Variants in ZNF862 observed in about 807,000 individuals in gnomAD.
ZNF862 encodes zinc finger protein 862.
Under a neutral mutation model 91.1 loss-of-function variants are expected in ZNF862, and 64 were observed. The observed-to-expected ratio is 0.70, with a 90% confidence interval of 0.57 to 0.87. The LOEUF (loss-of-function observed/expected upper bound fraction) is 0.87. Among genes scored for constraint, ZNF862 ranks in the 40% least tolerant of loss-of-function variants. The pLI is 0.00. For synonymous variants in ZNF862, 631 were observed against 618.1 expected (o/e 1.02, Z -0.31); for missense variants, 1,459 against 1,528.0 (o/e 0.95, Z 0.75).
chr7:149,854,461 A>G (rs1802185369), intron 5 of ZNF862, among the ~76,000 whole-genome samples: 1 of 152,220 alleles, frequency 6.6e-6, no homozygotes, highest in Admixed American at 6.5e-5. Context: ...ATAGTATGAT[A>G]TCAGGGTTGA....
intron 6 of ZNF862, chr7:149,859,886 T>C (rs1563124479): frequency 3.5e-6 from 1 of 282,396 alleles, no homozygotes; most frequent in Non-Finnish European, 6.7e-6. Flanking sequence ...GACAGCACTA[T>C]TGGTTTGTGA....
At chr7:149,847,689 T>C in intron 3 of ZNF862, 46 bp from the exon 4 acceptor site, 1 of 1,475,956 alleles carries the variant, frequency 6.8e-7, no homozygotes. Context: ...GCAGTGGCTC[T>C]AACTATAGGA....
rs1371362130 is a variant in ZNF862, at chr7:149,850,520, C to T, written c.1117+182C>T. ...GGGTAACTGTGCTTTATCACCTTCT[C>T]ATCCACCCACCTGTTCATCCATTCG... On this transcript the variant is annotated intron_variant, in intron 5 of 7. Coordinates refer to ENST00000223210, the MANE Select transcript of ZNF862 (RefSeq NM_001099220.3). The surrounding 1 kb of genome is among the most constrained non-coding windows in gnomAD (Gnocchi z 4.2). 5.0e-6 allele frequency: 3 copies of T among 602,432 alleles called. No homozygotes were observed. Among genetic ancestry groups the T allele is most frequent in the African/African-American group, 1.9e-5 (1 of 53,570 alleles). The allele number at this position is 602,432 out of a possible 1,614,324, so 37.3% of individuals were successfully genotyped here. A position where few individuals can be genotyped will look rare whatever the true frequency, so the allele number is the denominator to read the frequency against.
rs1346211584 is a variant in ZNF862, at chr7:149,841,509, TC to T, written c.24+2878del. The T allele has an allele frequency of 3.1e-6, 3 of 983,488 alleles. No individual in the cohort carries two copies. In the African/African-American group the frequency reaches 5.2e-5, roughly 17 times the overall value. 60.9% of individuals were successfully genotyped at this position (983,488 alleles called of 1,614,324 possible). On this transcript the variant is annotated intron_variant, in intron 1 of 7. Coordinates refer to ENST00000223210, the MANE Select transcript of ZNF862 (RefSeq NM_001099220.3). ...CGTATTTGTTGACTTGACTCTTACA[TC>T]CCCAGCTAGAACAGTGGAGCAGTTC...
Position 149,850,531 on chromosome 7 carries a change from C to T in ZNF862, c.1117+193C>T, listed in dbSNP as rs1802036745. ...CTTTATCACCTTCTCATCCACCCAC[C>T]TGTTCATCCATTCGTCCCCCACCAA... On this transcript the variant is annotated intron_variant, in intron 5 of 7. Coordinates refer to ENST00000223210, the MANE Select transcript of ZNF862 (RefSeq NM_001099220.3). This position sits in a 1 kb window ranked among gnomAD's most constrained non-coding sequence, Gnocchi z 4.2. 3.4e-6 allele frequency: 2 copies of T among 581,184 alleles called. No homozygotes were observed. The highest frequency in any genetic ancestry group is 6.0e-6 in the Non-Finnish European group (2 of 334,330). 36.0% of individuals were successfully genotyped at this position (581,184 alleles called of 1,614,324 possible). A position where few individuals can be genotyped will look rare whatever the true frequency, so the allele number is the denominator to read the frequency against.
rs533170566 is a variant in ZNF862, at chr7:149,848,075, G to A, written c.582G>A (p.Ala194=). ...PFKVETLKYH[A]KSKAHMFCVN... is the part of the protein sequence containing the mutation. ...AGGTGGAGACTCTCAAATACCACGC[G>A]AAGAGCAAGGCCCACATGTTCTGTG... The change falls in exon 4 of 8, where the codon GCG becomes GCA. Residue 194 remains alanine, a synonymous_variant. Transcript: ENST00000223210. The A allele has an allele frequency of 3.0e-5, 48 of 1,614,050 alleles. No individual in the cohort carries two copies. Among genetic ancestry groups the A allele is most frequent in the South Asian group, 2.6e-4 (24 of 91,090 alleles).
At chr7:149,839,984 T>C (rs528026715) in intron 1 of ZNF862, among the ~76,000 whole-genome samples, 1 of 152,302 alleles carries the variant, frequency 6.6e-6, no homozygotes, top group South Asian at 2.1e-4. Flanking sequence ...AGAGGCTTTC[T>C]TAGCCTTTAA....
In ZNF862 at chr7:149,861,220, A is replaced by G. The variant is rs1802477262; in HGVS notation, c.2060A>G (p.Lys687Arg). 4 of 1,612,196 alleles carry G rather than the reference A, an allele frequency of 2.5e-6. No homozygotes were observed. The highest frequency in any genetic ancestry group is 3.3e-5 in the Admixed American group (2 of 59,846). The change falls in exon 7 of 8, where the codon AAG (lysine) becomes AGG (arginine). Residue 687 changes from lysine to arginine, a missense_variant. Transcript: ENST00000223210. This position sits in a 1 kb window ranked among gnomAD's most constrained non-coding sequence, Gnocchi z 6.7. Reference sequence around the variant, plus strand: ...GATGAGCTGGACATCCCCTTCCGGAAGCCTGGCTGGGTGGTGGGGCTGGGG... The same window carrying G: ...GATGAGCTGGACATCCCCTTCCGGAGGCCTGGCTGGGTGGTGGGGCTGGGG... ...ALDELDIPFR[K>R]PGWVVGLGTD...
At chr7:149,840,334 G>A (rs57009176) in intron 1 of ZNF862, among the ~76,000 whole-genome samples, 49,734 of 151,750 alleles carry the variant, frequency 0.33, 9,901 homozygotes, top group African/African-American at 0.57. Flanking sequence ...TATTGTACAG[G>A]TGTACAATGT....
intron 1 of ZNF862, among the ~76,000 whole-genome samples, chr7:149,843,855 G>T (rs544445554): frequency 1.3e-5 from 2 of 152,350 alleles, no homozygotes; most frequent in African/African-American, 4.8e-5. Context: ...TGAGGATGCA[G>T]AGTGTACCTT....
At position 149,850,489 on chromosome 7, in the gene ZNF862, T is replaced by A; in HGVS notation, c.1117+151T>A. The A allele has an allele frequency of 1.3e-6, 1 of 745,292 alleles. No homozygotes were observed. 46.2% of individuals were successfully genotyped at this position (745,292 alleles called of 1,614,324 possible). On this transcript the variant is annotated intron_variant, in intron 5 of 7. Coordinates refer to ENST00000223210, the MANE Select transcript of ZNF862 (RefSeq NM_001099220.3). This position sits in a 1 kb window ranked among gnomAD's most constrained non-coding sequence, Gnocchi z 4.2. Reference sequence around the variant, plus strand: ...TGTCTTTTGCACCTCATAACTCCCCTGCTTGGGGTAACTGTGCTTTATCAC... The same window carrying A: ...TGTCTTTTGCACCTCATAACTCCCCAGCTTGGGGTAACTGTGCTTTATCAC...
Position 149,848,420 on chromosome 7 carries a change from A to G in ZNF862, c.927A>G (p.Glu309=). The stretch of plus-strand genomic sequence containing the variant: ...ATATTTTATATAATGATGCAGTAGA[A>G]TCCTGCATTCAGGTAATACGTTTAT... ...DINILYNDAV[E]SCIQDPSAEG... Residue 309 remains glutamate, a synonymous_variant, in exon 4 of 8, where the codon GAA becomes GAG. Coordinates refer to ENST00000223210, the MANE Select transcript of ZNF862 (RefSeq NM_001099220.3). The G allele has an allele frequency of 6.5e-7, 1 of 1,542,158 alleles. No homozygotes were observed. Among genetic ancestry groups the G allele is most frequent in the South Asian group, 1.2e-5 (1 of 80,238 alleles).
chr7:149,860,681 C>G lies in ZNF862; in HGVS notation c.1521C>G (p.Tyr507Ter), dbSNP rs747425987. 2.0e-5 allele frequency: 33 copies of G among 1,614,018 alleles called. No individual in the cohort carries two copies. The highest frequency in any genetic ancestry group is 2.8e-5 in the Non-Finnish European group (33 of 1,179,906). ...HDKSSRLVRG[Y>*]TGPFKVETLK... is the part of the protein sequence containing the mutation. ...AATCATCTCGGTTAGTCAGAGGTTA[C>G]ACGGGGCCTTTTAAAGTGGAGACTT... Residue 507 changes from tyrosine (Y) to a stop codon, truncating the protein, a stop_gained, in exon 7 of 8, where the codon TAC becomes TAG. Transcript: ENST00000223210. LOFTEE classifies it high-confidence loss of function.
rs545972645 is a variant in ZNF862 at position 149,863,486 on chromosome 7, C to T, written c.3335-623C>T. On this transcript the variant is annotated intron_variant, in intron 7 of 7. Transcript: ENST00000223210. ...AGGAAGCAAGGTGGCCCTGAAGCCA[C>T]AGTAGGGCAGGTGGGGATAAGAAAA... Among the ~76,000 whole-genome samples, 8 of 152,242 alleles carry T rather than the reference C, an allele frequency of 5.3e-5. No homozygotes were observed. In the East Asian group the frequency reaches 1.5e-3, roughly 29 times the overall value.
chr7:149,848,551 A>G, intron 4 of ZNF862, 119 bp downstream of exon 4: 2 of 810,046 alleles, frequency 2.5e-6, no homozygotes, highest in Non-Finnish European at 3.7e-6. Flanking sequence ...CTAACATCAT[A>G]ATGTTGGCAT....
rs1802465436 is a variant in ZNF862, at chr7:149,861,070, A to C, written c.1910A>C (p.Gln637Pro). ...GACAGCTCCACCGACGCCTCCGAGC[A>C]GGCCTGCGTGGGGATTTACATCCGC... is the stretch of plus-strand genomic sequence containing the variant. ...LLDSSTDASE[Q>P]ACVGIYIRYF... Residue 637 changes from glutamine (Q) to proline (P), a missense_variant, in exon 7 of 8, where the codon CAG becomes CCG. Coordinates refer to ENST00000223210, the MANE Select transcript of ZNF862 (RefSeq NM_001099220.3). The surrounding 1 kb of genome is among the most constrained non-coding windows in gnomAD (Gnocchi z 6.7). The C allele has an allele frequency of 3.7e-6, 6 of 1,612,834 alleles. No individual in the cohort carries two copies. In the East Asian group the frequency reaches 1.3e-4, roughly 36 times the overall value.
intron 1 of ZNF862, among the ~76,000 whole-genome samples, chr7:149,840,563 C>G (rs1002393977): frequency 6.6e-6 from 1 of 152,084 alleles, no homozygotes; most frequent in Non-Finnish European, 1.5e-5. Context: ...CACTCACTCA[C>G]TCACTCACCC....
chr7:149,865,701 G>A lies in ZNF862; in HGVS notation c.*1417G>A, dbSNP rs943122763. On this transcript the variant is annotated 3_prime_UTR_variant, in exon 8 of 8. Transcript: ENST00000223210. The stretch of plus-strand genomic sequence containing the variant: ...GCAAGTCAGCAGGCAGGGTTTCTCT[G>A]CCCTGCCTGATACTTGTTTTAAACA... 6.6e-6 allele frequency: 1 copy of A among 152,210 alleles called. No individual in the cohort carries two copies. The highest frequency in any genetic ancestry group is 1.5e-5 in the Non-Finnish European group (1 of 68,044). 9.4% of individuals were successfully genotyped at this position (152,210 alleles called of 1,614,324 possible).
In ZNF862 at chr7:149,861,959, G is replaced by C; in HGVS notation, c.2799G>C (p.Gln933His). Residue 933 changes from glutamine (Q) to histidine (H), a missense_variant, in exon 7 of 8, where the codon CAG becomes CAC. Gln to His is a conservative substitution (Grantham distance 24). Transcript: ENST00000223210. The surrounding 1 kb of genome is among the most constrained non-coding windows in gnomAD (Gnocchi z 6.7). ...RTVLTGIEYL[Q>H]QRFDADRPPQ... ...TCCTGACGGGGATTGAGTACCTCCA[G>C]CAGAGGTTTGACGCAGACCGACCCC... The C allele has an allele frequency of 6.2e-7, 1 of 1,613,866 alleles. No homozygotes were observed. The highest frequency in any genetic ancestry group is 8.5e-7 in the Non-Finnish European group (1 of 1,179,886).
Sources: allele counts gnomAD v4.1 joint callset (sites outside exome capture counted in the v4.1 genomes callset), GRCh38; gene constraint gnomAD v4.1.1; non-coding constraint Gnocchi (gnomAD v3.1); transcripts MANE v1.5; gene names NCBI Gene and HGNC (gene_info 2026-07-23, HGNC 2026-07-21).